Variants in LINC00305 observed in about 807,000 individuals in gnomAD.
LINC00305 encodes the protein long independently transcribed non-coding RNA 305, also known as long intergenic non-protein coding RNA 305.
intron 3 of LINC00305, among the ~76,000 whole-genome samples, chr18:64,091,918 T>A (rs1448466080): frequency 1.3e-5 from 2 of 152,200 alleles, no homozygotes; most frequent in Non-Finnish European, 2.9e-5. Flanking sequence ...TTTAAATTAT[T>A]TAAGTAGAGA....
At chr18:64,143,392 GGTGT>G (rs766878528) in intron 1 of LINC00305, among the ~76,000 whole-genome samples, 1 of 148,856 alleles carries the variant, frequency 6.7e-6, no homozygotes, top group Non-Finnish European at 1.5e-5. Flanking sequence ...AAGCATTGAT[GGTGT>G]GTGTGTGTGT....
At chr18:64,138,840 G>GT (rs2051447376) in intron 1 of LINC00305, among the ~76,000 whole-genome samples, 1 of 152,078 alleles carries the variant, frequency 6.6e-6, no homozygotes, top group African/African-American at 2.4e-5. Flanking sequence ...ACCACTTATT[G>GT]TTTTTTGAAG....
intron 1 of LINC00305, among the ~76,000 whole-genome samples, chr18:64,132,878 A>G (rs1375890888): frequency 1.3e-5 from 2 of 152,206 alleles, no homozygotes; most frequent in African/African-American, 4.8e-5. Flanking sequence ...TGAGGGTGAC[A>G]CCATCCCAGC....
intron 1 of LINC00305, among the ~76,000 whole-genome samples, chr18:64,113,887 C>T (rs1735010613): frequency 6.6e-6 from 1 of 152,160 alleles, no homozygotes; most frequent in Non-Finnish European, 1.5e-5. Context: ...GTAATTCTCT[C>T]AAATATCCAT....
At chr18:64,084,268 G>A (rs1322961547) in intron 3 of LINC00305, among the ~76,000 whole-genome samples, 1 of 152,144 alleles carries the variant, frequency 6.6e-6, no homozygotes, top group East Asian at 1.9e-4. Flanking sequence ...CAGGGGTGAT[G>A]TTTTTTATCC....
At chr18:64,092,617 A>T (rs1447483857) in intron 3 of LINC00305, among the ~76,000 whole-genome samples, 1 of 152,186 alleles carries the variant, frequency 6.6e-6, no homozygotes, top group Non-Finnish European at 1.5e-5. Flanking sequence ...ATTAAGGATG[A>T]TGGGATGTTT....
At chr18:64,120,941 T>C (rs1423805970) in intron 1 of LINC00305, among the ~76,000 whole-genome samples, 1 of 152,132 alleles carries the variant, frequency 6.6e-6, no homozygotes. Context: ...GCTAGGAGTG[T>C]GTTAGACTTT....
chr18:64,126,274 T>C (rs184607657), intron 1 of LINC00305, among the ~76,000 whole-genome samples: 4 of 152,196 alleles, frequency 2.6e-5, no homozygotes, highest in East Asian at 3.9e-4. Flanking sequence ...CATTTCTAGA[T>C]GATAGCATTA....
intron 3 of LINC00305, among the ~76,000 whole-genome samples, chr18:64,089,347 T>G (rs909745119): frequency 1.3e-5 from 2 of 152,210 alleles, no homozygotes; most frequent in African/African-American, 4.8e-5. Flanking sequence ...GATCGTAAGT[T>G]TCCTGAGGCC....
chr18:64,118,716 A>G (rs1018644744), intron 1 of LINC00305, among the ~76,000 whole-genome samples: 4 of 152,024 alleles, frequency 2.6e-5, no homozygotes, highest in Non-Finnish European at 4.4e-5. Context: ...ATAAGTTTTA[A>G]TTGCCCATTT....
Position 64,125,363 on chromosome 18 carries a change from A to G in LINC00305, n.314+23412T>C, listed in dbSNP as rs143743795. ...CATCTTAATTTCTCACCCACATTTC[A>G]GTTCCAAGTCTCTAAAATAGATACT... On this transcript the variant is annotated intron_variant and non_coding_transcript_variant, in intron 1 of 3. Coordinates refer to ENST00000666468, the Ensembl canonical transcript of LINC00305. Among the ~76,000 whole-genome samples, 648 of 152,080 alleles carry G rather than the reference A, an allele frequency of 4.3e-3. 4 individuals are homozygous for G. The highest frequency in any genetic ancestry group is 0.014 in the African/African-American group (596 of 41,492).
chr18:64,144,343 T>C (rs192978562), intron 1 of LINC00305, among the ~76,000 whole-genome samples: 18 of 152,216 alleles, frequency 1.2e-4, no homozygotes, highest in Non-Finnish European at 2.5e-4. Flanking sequence ...TGCTACTTTA[T>C]ATGACAAAGG....
chr18:64,148,057 G>A lies in LINC00305; in HGVS notation n.314+718C>T, dbSNP rs375904366. Among the ~76,000 whole-genome samples, 5 of 152,008 alleles carry A rather than the reference G, an allele frequency of 3.3e-5. No homozygotes were observed. The South Asian group carries it at 1.0e-3, about 32-fold the overall frequency. On this transcript the variant is annotated intron_variant and non_coding_transcript_variant, in intron 1 of 3. Coordinates refer to ENST00000666468, the Ensembl canonical transcript of LINC00305. ...ACCATGGGGCCCCTAGGAGACATGGGTTTTCCAGGTCTTTCAAGGGACAAG... is the reference window on the plus strand; with the variant it reads ...ACCATGGGGCCCCTAGGAGACATGGATTTTCCAGGTCTTTCAAGGGACAAG...
chr18:64,111,750 A>G (rs913043292), intron 1 of LINC00305, among the ~76,000 whole-genome samples: 5 of 152,146 alleles, frequency 3.3e-5, no homozygotes, highest in African/African-American at 9.7e-5. Flanking sequence ...TGCCTGAGTC[A>G]AGTCGTCCAA....
At chr18:64,082,117 A>T (rs1315158927) in intron 3 of LINC00305, among the ~76,000 whole-genome samples, 2 of 152,202 alleles carry the variant, frequency 1.3e-5, no homozygotes, top group Admixed American at 1.3e-4. Context: ...ATGGTTTAGG[A>T]GTCATACAGC....
chr18:64,104,209 C>A (rs962588806), intron 1 of LINC00305: 4 of 152,184 alleles, frequency 2.6e-5, no homozygotes, highest in East Asian at 3.9e-4. Context: ...GAGAAAGAAG[C>A]TTCTAGATGC....
At chr18:64,143,392 G>A (rs1002886564) in intron 1 of LINC00305, among the ~76,000 whole-genome samples, 4 of 148,856 alleles carry the variant, frequency 2.7e-5, no homozygotes, top group Non-Finnish European at 4.5e-5. Flanking sequence ...AAGCATTGAT[G>A]GTGTGTGTGT....
intron 1 of LINC00305, among the ~76,000 whole-genome samples, chr18:64,134,644 G>C (rs973235148): frequency 1.3e-5 from 2 of 152,114 alleles, no homozygotes; most frequent in Non-Finnish European, 2.9e-5. Flanking sequence ...TATTATGACA[G>C]CTGTTATAAA....
At chr18:64,115,485 A>G (rs2051333563) in intron 1 of LINC00305, among the ~76,000 whole-genome samples, 1 of 152,092 alleles carries the variant, frequency 6.6e-6, no homozygotes, top group African/African-American at 2.4e-5. Flanking sequence ...GAGGCTGCTT[A>G]TGGGGGTAAG....
Sources: gnomAD v4.1 joint callset for allele counts (sites outside exome capture counted in the v4.1 genomes callset) on GRCh38, gnomAD v4.1.1 for gene constraint, MANE v1.5 for transcripts, NCBI Gene and HGNC (gene_info 2026-07-23, HGNC 2026-07-21) for gene names.